Variants in GRID1 observed in about 807,000 individuals in gnomAD.
GRID1 encodes the protein glutamate ionotropic receptor delta type subunit 1, also known as glutamate receptor ionotropic, delta-1.
A neutral mutation model predicts 98.0 loss-of-function variants in GRID1; 28 were observed. The observed-to-expected ratio is 0.29, with a 90% confidence interval of 0.21 to 0.39. The LOEUF (loss-of-function observed/expected upper bound fraction) is 0.39, where lower values mean the gene tolerates loss of function less well. Ranked by LOEUF, GRID1 falls within the 10% of genes least tolerant of loss-of-function variation. GRID1 has a pLI of 1.00. For synonymous variants in GRID1, 553 were observed against 538.5 expected, an observed-to-expected ratio of 1.03 and a Z score of -0.37; for missense variants, 1,111 against 1,340.5, an observed-to-expected ratio of 0.83 and a Z score of 2.67.
intron 4 of GRID1, among the ~76,000 whole-genome samples, chr10:86,038,163 T>C (rs990996992): frequency 3.3e-5 from 5 of 152,176 alleles, no homozygotes; most frequent in Non-Finnish European, 5.9e-5. Context: ...TCCAGAACTG[T>C]GAGACAATAA....
chr10:85,785,503 C>T (rs1590231107), intron 8 of GRID1, among the ~76,000 whole-genome samples: 1 of 152,144 alleles, frequency 6.6e-6, no homozygotes, highest in Non-Finnish European at 1.5e-5. Flanking sequence ...GCTTTGGGTT[C>T]CCCTCCATAA....
At chr10:85,831,480 A>C (rs1842867004) in intron 8 of GRID1, among the ~76,000 whole-genome samples, 1 of 152,110 alleles carries the variant, frequency 6.6e-6, no homozygotes, top group Non-Finnish European at 1.5e-5. Flanking sequence ...AAATAGGTAA[A>C]TCCACAACCA....
chr10:86,080,410 AG>A (rs1564668661), intron 4 of GRID1, among the ~76,000 whole-genome samples: 13,326 of 24,992 alleles, frequency 0.53, 3,886 homozygotes, highest in East Asian at 0.67. Context: ...AGGGAAGGGA[AG>A]GGGAGGGGAG....
intron 8 of GRID1, among the ~76,000 whole-genome samples, chr10:85,803,060 T>A (rs911702075): frequency 6.6e-6 from 1 of 151,866 alleles, no homozygotes; most frequent in Non-Finnish European, 1.5e-5. Flanking sequence ...GCCAGAAGGG[T>A]GGTTACCAGA....
chr10:85,654,120 T>C (rs1476594352), intron 12 of GRID1, among the ~76,000 whole-genome samples: 2 of 152,062 alleles, frequency 1.3e-5, no homozygotes, highest in Non-Finnish European at 2.9e-5. Context: ...AATGCACGCT[T>C]CCATAGGTCA....
Position 85,743,114 on chromosome 10 carries a change from C to CCA in GRID1, c.1234-13501_1234-13500insTG, listed in dbSNP as rs1554828642. On this transcript the variant is annotated intron_variant, in intron 8 of 15. Coordinates refer to ENST00000327946, the MANE Select transcript of GRID1 (RefSeq NM_017551.3). ...AGGATAGAATTATGCAGCCCCCCCC[C>CCA]CCACCACCCATTGAGAACCAATTAT... Among the ~76,000 whole-genome samples the CCA allele has an allele frequency of 1.9e-4, 25 of 134,490 alleles. 1 individual carries two copies. Among genetic ancestry groups the CCA allele is most frequent in the African/African-American group, 5.7e-4 (22 of 38,294 alleles). The allele number at this position is 134,490 out of a possible 152,430, so 88.2% of individuals were successfully genotyped here.
chr10:85,829,759 C>G (rs1013869082), intron 8 of GRID1, among the ~76,000 whole-genome samples: 12 of 152,090 alleles, frequency 7.9e-5, no homozygotes, highest in Non-Finnish European at 8.8e-5. Context: ...TGAAAGATTT[C>G]TACAATGAGA....
At chr10:85,919,332 T>C (rs552928222) in intron 4 of GRID1, among the ~76,000 whole-genome samples, 2 of 152,364 alleles carry the variant, frequency 1.3e-5, no homozygotes, top group East Asian at 3.9e-4. Flanking sequence ...TTTTCTGTCC[T>C]ACTTTTCCTC....
At chr10:85,741,304 A>T (rs1161835532) in intron 8 of GRID1, among the ~76,000 whole-genome samples, 1 of 152,116 alleles carries the variant, frequency 6.6e-6, no homozygotes, top group Non-Finnish European at 1.5e-5. Flanking sequence ...TGTCTTTTGC[A>T]TGATTTTGTG....
rs148550659 is a variant in GRID1 at position 86,068,656 on chromosome 10, G to C, written c.726+70163C>G. Among the ~76,000 whole-genome samples the C allele has an allele frequency of 3.6e-3, 541 of 152,324 alleles. 1 individual carries two copies. Among genetic ancestry groups the C allele is most frequent in the Non-Finnish European group, 5.7e-3 (390 of 68,040 alleles). On this transcript the variant is annotated intron_variant, in intron 4 of 15. Transcript: ENST00000327946. ...GCCTACTGCCAGCGACGGTGCCTCA[G>C]ATACTGTCACACACGCTCCAGCTGA...
intron 15 of GRID1, among the ~76,000 whole-genome samples, chr10:85,610,174 C>T (rs982187384): frequency 2.6e-5 from 4 of 152,158 alleles, no homozygotes; most frequent in African/African-American, 9.7e-5. Flanking sequence ...CAAATGCTGC[C>T]CCATAAAACA....
At chr10:86,104,034 ACACACATGTGT>A (rs1844341621) in intron 4 of GRID1, among the ~76,000 whole-genome samples, 1 of 152,148 alleles carries the variant, frequency 6.6e-6, no homozygotes, top group Admixed American at 6.5e-5. Context: ...CTCTTCAGCT[ACACACATGTGT>A]AAGGGTGCAC....
In GRID1 at chr10:86,292,925, GAGATGGATGGGGGC is replaced by G. The variant is rs1477505813; in HGVS notation, c.235+71002_235+71015del. On this transcript the variant is annotated intron_variant, in intron 2 of 15. Coordinates refer to ENST00000327946, the MANE Select transcript of GRID1 (RefSeq NM_017551.3). ...GTGTGAGTGAGGGTGTCTGTGTGAAGAGATGGATGGGGGCAGATGGATGGGCCCTTGTGAAAAGA... is the reference window on the plus strand; with the variant it reads ...GTGTGAGTGAGGGTGTCTGTGTGAAGAGATGGATGGGCCCTTGTGAAAAGA... Among the ~76,000 whole-genome samples, 5 of 152,266 alleles carry G rather than the reference GAGATGGATGGGGGC, an allele frequency of 3.3e-5. No homozygotes were observed. In the East Asian group the frequency reaches 9.6e-4, roughly 29 times the overall value.
chr10:86,209,277 T>A lies in GRID1; in HGVS notation c.236-2629A>T, dbSNP rs371298027. Among the ~76,000 whole-genome samples, 188 of 152,332 alleles carry A rather than the reference T, an allele frequency of 1.2e-3. 1 individual carries two copies. Among genetic ancestry groups the A allele is most frequent in the African/African-American group, 4.4e-3 (184 of 41,574 alleles). ...AAAAAGAAAAATAATCCTCTGATAA[T>A]GGATAAGCAGGAAAACTACACAGGA... On this transcript the variant is annotated intron_variant, in intron 2 of 15. Transcript: ENST00000327946.
chr10:85,710,930 T>C (rs1052758508), intron 12 of GRID1, among the ~76,000 whole-genome samples: 1 of 151,948 alleles, frequency 6.6e-6, no homozygotes, highest in Non-Finnish European at 1.5e-5. Context: ...TCCATTGAAA[T>C]GGCTATTTAA....
At chr10:86,150,203 G>C (rs1027662850) in intron 3 of GRID1, among the ~76,000 whole-genome samples, 1 of 152,202 alleles carries the variant, frequency 6.6e-6, no homozygotes, top group Non-Finnish European at 1.5e-5. Context: ...CGGGGCAGGA[G>C]CAAGACCCCA....
chr10:86,315,152 A>C (rs1847881244), intron 2 of GRID1, among the ~76,000 whole-genome samples: 1 of 152,146 alleles, frequency 6.6e-6, no homozygotes, highest in Non-Finnish European at 1.5e-5. Context: ...TGTGGGGCCC[A>C]TACCTCCCCA....
chr10:86,072,659 CACATTGA>C (rs1432348665), intron 4 of GRID1, among the ~76,000 whole-genome samples: 2 of 152,200 alleles, frequency 1.3e-5, no homozygotes, highest in African/African-American at 4.8e-5. Flanking sequence ...GTCTGATTAG[CACATTGA>C]ACATCTCTCC....
intron 2 of GRID1, among the ~76,000 whole-genome samples, chr10:86,314,994 A>G (rs1036006228): frequency 1.2e-5 from 1 of 81,176 alleles, no homozygotes; most frequent in African/African-American, 2.9e-5. Flanking sequence ...TGTCCTTCCC[A>G]GGACTGACCT....
Sources: gnomAD v4.1 joint callset for allele counts (sites outside exome capture counted in the v4.1 genomes callset) on GRCh38, gnomAD v4.1.1 for gene constraint, MANE v1.5 for transcripts, NCBI Gene and HGNC (gene_info 2026-07-23, HGNC 2026-07-21) for gene names.